TAFA4: variants seen among roughly 807,000 people sequenced by gnomAD.
The protein encoded by TAFA4 is TAFA chemokine like family member 4.
Under a neutral mutation model 21.1 loss-of-function variants are expected in TAFA4, and 20 were observed. The ratio of observed to expected loss-of-function variants is 0.95; its 90% confidence interval spans 0.67 to 1.38. The LOEUF (loss-of-function observed/expected upper bound fraction) is 1.38, where lower values mean the gene tolerates loss of function less well. Among genes scored for constraint, TAFA4 ranks in the 40% most tolerant of loss-of-function variants. The probability of loss-of-function intolerance (pLI) is 0.00; values close to 1 mark genes in which losing one functional copy is unlikely to be tolerated. For synonymous variants in TAFA4, 71 were observed against 67.4 expected (o/e 1.05, Z -0.26); for missense variants, 211 against 180.9 (o/e 1.17, Z -0.95).
intron 3 of TAFA4, among the ~76,000 whole-genome samples, chr3:68,847,186 C>T (rs752636478): frequency 6.6e-6 from 1 of 152,218 alleles, no homozygotes; most frequent in African/African-American, 2.4e-5. Context: ...CTGACTTGGT[C>T]TGCTGCCTTT....
At chr3:68,821,209 T>C (rs536703317) in intron 3 of TAFA4, among the ~76,000 whole-genome samples, 2 of 152,330 alleles carry the variant, frequency 1.3e-5, no homozygotes, top group South Asian at 2.1e-4. Context: ...TACCACGCTG[T>C]TAATTTCAGT....
At chr3:68,926,755 A>G (rs1203326612) in intron 1 of TAFA4, among the ~76,000 whole-genome samples, 1 of 152,078 alleles carries the variant, frequency 6.6e-6, no homozygotes, top group Non-Finnish European at 1.5e-5. Context: ...CTATAAAAAT[A>G]CAAAGATTAG....
At chr3:68,766,640 T>C (rs1240303971) in intron 3 of TAFA4, among the ~76,000 whole-genome samples, 1 of 151,082 alleles carries the variant, frequency 6.6e-6, no homozygotes, top group African/African-American at 2.4e-5. Flanking sequence ...ACAATCCAGA[T>C]GTCCCCGAAT....
intron 3 of TAFA4, among the ~76,000 whole-genome samples, chr3:68,798,734 G>A (rs1330759066): frequency 6.6e-6 from 1 of 152,142 alleles, no homozygotes; most frequent in African/African-American, 2.4e-5. Flanking sequence ...GTTGAGCTAT[G>A]TTTGAATTCT....
chr3:68,844,877 G>C (rs578109677), intron 3 of TAFA4, among the ~76,000 whole-genome samples: 2 of 152,332 alleles, frequency 1.3e-5, no homozygotes, highest in Admixed American at 6.5e-5. Context: ...ACTGTGGTCT[G>C]AGAGAATGTT....
chr3:68,767,356 C>T (rs1284416396), intron 3 of TAFA4, among the ~76,000 whole-genome samples: 1 of 151,354 alleles, frequency 6.6e-6, no homozygotes, highest in Admixed American at 6.6e-5. Context: ...AAGAGAAAGC[C>T]GGAATAGAAA....
intron 1 of TAFA4, among the ~76,000 whole-genome samples, chr3:68,887,079 C>T (rs2089680031): frequency 6.6e-6 from 1 of 152,200 alleles, no homozygotes; most frequent in Non-Finnish European, 1.5e-5. Flanking sequence ...CCTCAAATGT[C>T]CTCCAGCTGT....
chr3:68,786,174 G>C (rs1703257168), intron 3 of TAFA4, among the ~76,000 whole-genome samples: 1 of 152,132 alleles, frequency 6.6e-6, no homozygotes, highest in Admixed American at 6.5e-5. Flanking sequence ...GTAGATATAA[G>C]TTTAGAAAAG....
chr3:68,798,297 T>C (rs528011263), intron 3 of TAFA4, among the ~76,000 whole-genome samples: 5 of 152,284 alleles, frequency 3.3e-5, no homozygotes, highest in Non-Finnish European at 2.9e-5. Context: ...ATCATGTTAA[T>C]TGGTGTTTAT....
chr3:68,812,283 C>G (rs535697517), intron 3 of TAFA4, among the ~76,000 whole-genome samples: 1 of 152,184 alleles, frequency 6.6e-6, no homozygotes, highest in African/African-American at 2.4e-5. Flanking sequence ...GCAAAATAAC[C>G]AGCTAACATC....
At position 68,793,851 on chromosome 3, in the gene TAFA4, G is replaced by T. The variant is rs1477030444; in HGVS notation, c.131-40833C>A. ...GAAAATGCCATCCCTTTACCTGCCG[G>T]TCTATATAATAACTCAAGATGTAAC... On this transcript the variant is annotated intron_variant, in intron 3 of 5. Transcript: ENST00000295569. Among the ~76,000 whole-genome samples the T allele has an allele frequency of 2.0e-5, 3 of 152,122 alleles. No homozygotes were observed. The East Asian group carries it at 5.8e-4, about 29-fold the overall frequency.
At chr3:68,795,258 G>A (rs1375577789) in intron 3 of TAFA4, among the ~76,000 whole-genome samples, 2 of 150,992 alleles carry the variant, frequency 1.3e-5, no homozygotes, top group South Asian at 4.2e-4. Flanking sequence ...TCTAGATGGA[G>A]ACAGCTTTGA....
rs901365199 is a variant in TAFA4 at position 68,857,529 on chromosome 3, A to T, written c.130+23201T>A. ...AATGATTACAAATCATTGAAATTACAATCAGCTTTTTAAAACCATGAATAC... is the reference window on the plus strand; with the variant it reads ...AATGATTACAAATCATTGAAATTACTATCAGCTTTTTAAAACCATGAATAC... On this transcript the variant is annotated intron_variant, in intron 3 of 5. Transcript: ENST00000295569. 2.0e-5 allele frequency among the ~76,000 whole-genome samples: 3 copies of T among 152,208 alleles called. No homozygotes were observed. In the East Asian group the frequency reaches 5.8e-4, roughly 29 times the overall value.
chr3:68,779,270 G>A (rs531341323), intron 3 of TAFA4, among the ~76,000 whole-genome samples: 1 of 152,146 alleles, frequency 6.6e-6, no homozygotes, highest in Admixed American at 6.5e-5. Flanking sequence ...CAGCATAAAC[G>A]TTTGGAAAAC....
At position 68,814,487 on chromosome 3, in the gene TAFA4, G is replaced by T. The variant is rs1176557114; in HGVS notation, c.131-61469C>A. On this transcript the variant is annotated intron_variant, in intron 3 of 5. Transcript: ENST00000295569. ...AGCAAAGTCTCAGGATACAAAATCA[G>T]TGTGCAAAAATCACAAGCATTCTTA... 2.0e-5 allele frequency among the ~76,000 whole-genome samples: 3 copies of T among 151,860 alleles called. No homozygotes were observed. In the South Asian group the frequency reaches 6.3e-4, roughly 32 times the overall value.
chr3:68,877,627 C>A (rs913856673), intron 3 of TAFA4, among the ~76,000 whole-genome samples: 9 of 152,292 alleles, frequency 5.9e-5, no homozygotes, highest in African/African-American at 2.2e-4. Context: ...CTTGTTGAAG[C>A]CTTTCTCTCC....
intron 3 of TAFA4, among the ~76,000 whole-genome samples, chr3:68,805,852 G>GCTAAATGAC (rs902669525): frequency 5.3e-5 from 8 of 152,216 alleles, no homozygotes; most frequent in African/African-American, 1.7e-4. Flanking sequence ...TATACCTAAT[G>GCTAAATGAC]CTAAATGACG....
chr3:68,909,969 T>C (rs1028037133), intron 1 of TAFA4, among the ~76,000 whole-genome samples: 7 of 152,144 alleles, frequency 4.6e-5, no homozygotes, highest in Non-Finnish European at 5.9e-5. Flanking sequence ...ATTCAGTCCT[T>C]CATCCTTGTG....
At chr3:68,848,327 G>C (rs780070975) in intron 3 of TAFA4, among the ~76,000 whole-genome samples, 1 of 152,190 alleles carries the variant, frequency 6.6e-6, no homozygotes, top group Non-Finnish European at 1.5e-5. Flanking sequence ...TGGGATGAGA[G>C]ACAATGAATC....
Sources: allele counts gnomAD v4.1 joint callset (sites outside exome capture counted in the v4.1 genomes callset), GRCh38; gene constraint gnomAD v4.1.1; transcripts MANE v1.5; gene names NCBI Gene and HGNC (gene_info 2026-07-23, HGNC 2026-07-21).